Variants in GALNT10 observed in about 807,000 individuals in gnomAD.
GALNT10 encodes GalNAc transferase 10.
Under a neutral mutation model 75.0 loss-of-function variants are expected in GALNT10, and 41 were observed. The ratio of observed to expected loss-of-function variants is 0.55; its 90% CI spans 0.43 to 0.71. The LOEUF (loss-of-function observed/expected upper bound fraction) is 0.71. Ranked by LOEUF, GALNT10 falls within the 30% of genes least tolerant of loss-of-function variation. The pLI is 0.00. For synonymous variants in GALNT10, 302 were observed against 313.0 expected (o/e 0.96, Z 0.37); for missense variants, 727 against 818.5 (o/e 0.89, Z 1.36).
Position 154,420,453 on chromosome 5 carries a change from C to T in GALNT10, c.*3481C>T, listed in dbSNP as rs533241182. ...AGTAACTGAGGAATCAGAGTCTCTG[C>T]TTCAGCGATATCTAGTTTGTACAGT... On this transcript the variant is annotated 3_prime_UTR_variant, in exon 12 of 12. Transcript: ENST00000297107. The T allele has an allele frequency of 1.3e-5, 2 of 152,288 alleles. No homozygotes were observed. Among genetic ancestry groups the T allele is most frequent in the South Asian group, 4.1e-4 (2 of 4,824 alleles). The allele number at this position is 152,288 out of a possible 1,614,324, so 9.4% of individuals were successfully genotyped here.
Position 154,409,742 on chromosome 5 carries a change from C to T in GALNT10, c.1366C>T (p.Pro456Ser). 1 of 1,613,598 alleles carries T rather than the reference C, an allele frequency of 6.2e-7. No individual in the cohort carries two copies. Among genetic ancestry groups the T allele is most frequent in the Non-Finnish European group, 8.5e-7 (1 of 1,179,576 alleles). ...LPKFYPPVEP[P>S]AAAWGEIRNV... ...CAAATTCTACCCACCCGTGGAGCCCCCGGCTGCAGCTTGGGGGGAGGTGAG... is the reference window on the plus strand; with the variant it reads ...CAAATTCTACCCACCCGTGGAGCCCTCGGCTGCAGCTTGGGGGGAGGTGAG... Residue 456 changes from proline (P) to serine (S), a missense_variant, in exon 9 of 12, where the codon CCG (proline) becomes TCG (serine). Physicochemically the swap from Pro to Ser is moderately conservative, Grantham distance 74. Coordinates refer to ENST00000297107, the MANE Select transcript of GALNT10 (RefSeq NM_198321.4). The surrounding 1 kb of genome is among the most constrained non-coding windows in gnomAD (Gnocchi z 4.5).
chr5:154,386,269 C>A, intron 6 of GALNT10, 44 bp from the exon 7 acceptor site: 1 of 1,390,566 alleles, frequency 7.2e-7, no homozygotes, highest in Non-Finnish European at 1.0e-6. Flanking sequence ...GAGCATGTGG[C>A]CAGGACATCT....
chr5:154,340,603 T>A (rs73283306), intron 4 of GALNT10, among the ~76,000 whole-genome samples: 7,617 of 152,260 alleles, frequency 0.05, 498 homozygotes, highest in African/African-American at 0.15. Flanking sequence ...ATGAAGCACG[T>A]TGGCCAAAAA....
chr5:154,370,285 C>G (rs1169074348), intron 4 of GALNT10, among the ~76,000 whole-genome samples: 1 of 152,218 alleles, frequency 6.6e-6, no homozygotes, highest in Non-Finnish European at 1.5e-5. Context: ...GGAGCATTCA[C>G]AGAACTTGCC....
intron 1 of GALNT10, among the ~76,000 whole-genome samples, chr5:154,272,105 T>G (rs1008077032): frequency 1.1e-4 from 16 of 152,170 alleles, no homozygotes; most frequent in Admixed American, 3.9e-4. Context: ...TCCCACCTGG[T>G]GCAGGCGGCC....
intron 1 of GALNT10, among the ~76,000 whole-genome samples, chr5:154,268,450 A>G (rs1035985942): frequency 2.0e-5 from 3 of 152,200 alleles, no homozygotes; most frequent in African/African-American, 7.2e-5. Flanking sequence ...ACCCAGACTA[A>G]ATATCACATT....
intron 8 of GALNT10, chr5:154,406,073 G>A (rs1561685236): frequency 6.6e-6 from 1 of 151,946 alleles, no homozygotes; most frequent in Admixed American, 6.6e-5. Context: ...TTTTAGGGAT[G>A]GGGAACATGA....
In GALNT10 at chr5:154,192,668, T is replaced by C. The variant is rs1164231187; in HGVS notation, c.159+1643T>C. Among the ~76,000 whole-genome samples, 3 of 152,238 alleles carry C rather than the reference T, an allele frequency of 2.0e-5. No individual in the cohort carries two copies. In the East Asian group the frequency reaches 5.8e-4, roughly 29 times the overall value. On this transcript the variant is annotated intron_variant, in intron 1 of 11. Transcript: ENST00000297107. ...AGGAATACAACGGTCCCTTCTTTTTTTCTGTCTTGAGTCCAGAGTTCCTTG... is the reference window on the plus strand; with the variant it reads ...AGGAATACAACGGTCCCTTCTTTTTCTCTGTCTTGAGTCCAGAGTTCCTTG...
At chr5:154,204,949 G>A (rs1311881449) in intron 1 of GALNT10, among the ~76,000 whole-genome samples, 1 of 152,216 alleles carries the variant, frequency 6.6e-6, no homozygotes, top group African/African-American at 2.4e-5. Flanking sequence ...CACATGGCAG[G>A]TGCTCAAGAA....
intron 3 of GALNT10, among the ~76,000 whole-genome samples, chr5:154,320,808 G>A (rs919029089): frequency 1.3e-5 from 2 of 152,192 alleles, no homozygotes; most frequent in African/African-American, 4.8e-5. Flanking sequence ...AGTCTGGAAG[G>A]TCCCAAAGGG....
chr5:154,212,124 A>C (rs1752766730), intron 1 of GALNT10, among the ~76,000 whole-genome samples: 1 of 152,182 alleles, frequency 6.6e-6, no homozygotes. Flanking sequence ...CTGTTGAAGG[A>C]AGTAAGACAT....
At chr5:154,388,400 T>C (rs1172300451) in intron 7 of GALNT10, 2 of 152,236 alleles carry the variant, frequency 1.3e-5, no homozygotes, top group Non-Finnish European at 2.9e-5. Flanking sequence ...GTCCTGATCA[T>C]AGCTAACAGG....
intron 4 of GALNT10, among the ~76,000 whole-genome samples, chr5:154,331,463 C>G (rs1754863500): frequency 6.6e-6 from 1 of 152,170 alleles, no homozygotes; most frequent in South Asian, 2.1e-4. Context: ...GTCACTTCCC[C>G]TTTCTGAGCT....
intron 4 of GALNT10, among the ~76,000 whole-genome samples, chr5:154,359,110 G>A (rs1156377223): frequency 6.6e-6 from 1 of 152,084 alleles, no homozygotes; most frequent in African/African-American, 2.4e-5. Flanking sequence ...CATCTTAATT[G>A]GTGCACATTT....
At position 154,380,718 on chromosome 5, in the gene GALNT10, A is replaced by G. The variant is rs1299227012; in HGVS notation, c.938+87A>G. 5.6e-6 allele frequency: 5 copies of G among 885,824 alleles called. No homozygotes were observed. The East Asian group carries it at 1.3e-4, about 23-fold the overall frequency. 54.9% of individuals were successfully genotyped at this position (885,824 alleles called of 1,614,324 possible). On this transcript the variant is annotated intron_variant, in intron 6 of 11. Coordinates refer to ENST00000297107, the MANE Select transcript of GALNT10 (RefSeq NM_198321.4). ...ACAACTCAGGATCGCCATCTCCCTT[A>G]AAAGCCCAATGCAGAGGGTCCAGCT...
chr5:154,191,066 C>G, intron 1 of GALNT10, 41 bp downstream of exon 1: 1 of 1,323,742 alleles, frequency 7.6e-7, no homozygotes, highest in Non-Finnish European at 9.8e-7. Context: ...CACCCCCTTC[C>G]CGAATTCACT....
intron 1 of GALNT10, among the ~76,000 whole-genome samples, chr5:154,269,080 G>C (rs994567908): frequency 3.3e-5 from 3 of 90,750 alleles, no homozygotes; most frequent in Admixed American, 8.6e-5. Context: ...CCACTTCCCG[G>C]GTTCAGGTGA....
At chr5:154,210,489 C>T (rs1775179951) in intron 1 of GALNT10, among the ~76,000 whole-genome samples, 1 of 152,138 alleles carries the variant, frequency 6.6e-6, no homozygotes, top group South Asian at 2.1e-4. Context: ...ACTTTCTGAC[C>T]CCCTTCTACC....
intron 7 of GALNT10, among the ~76,000 whole-genome samples, chr5:154,398,873 C>A (rs1176896341): frequency 6.6e-6 from 1 of 152,208 alleles, no homozygotes. Context: ...TTTGGGAAAT[C>A]AGGCCATAGG....
Sources: allele counts gnomAD v4.1 joint callset (sites outside exome capture counted in the v4.1 genomes callset), GRCh38; gene constraint gnomAD v4.1.1; non-coding constraint Gnocchi (gnomAD v3.1); transcripts MANE v1.5; gene names NCBI Gene and HGNC (gene_info 2026-07-23, HGNC 2026-07-21).